Variants in LHFPL4 observed in about 807,000 individuals in gnomAD.
LHFPL4 encodes the protein LHFPL tetraspan subfamily member 4, also known as LHFPL tetraspan subfamily member 4 protein.
Under a neutral mutation model 20.0 loss-of-function variants are expected in LHFPL4, and 6 were observed. That is an observed-to-expected ratio of 0.30 (90% confidence interval 0.16 to 0.59). LHFPL4 has a LOEUF of 0.59. Ranked by LOEUF, LHFPL4 falls within the 20% of genes least tolerant of loss-of-function variation. The pLI is 0.88. For synonymous variants in LHFPL4, 129 were observed against 143.8 expected, an observed-to-expected ratio of 0.90 and a Z score of 0.74; for missense variants, 215 against 331.2, an observed-to-expected ratio of 0.65 and a Z score of 2.72.
At chr3:9,504,109 G>T (rs1431851172) in intron 3 of LHFPL4, among the ~76,000 whole-genome samples, 44 of 152,094 alleles carry the variant, frequency 2.9e-4, no homozygotes, top group Non-Finnish European at 5.9e-5. Flanking sequence ...GCTGGCTCAT[G>T]CCTGTAATCC....
chr3:9,508,756 G>T (rs1460579047), intron 2 of LHFPL4, among the ~76,000 whole-genome samples: 1 of 152,156 alleles, frequency 6.6e-6, no homozygotes, highest in Admixed American at 6.5e-5. Context: ...AGGGTCAAAC[G>T]CCAAGGAAGG....
intron 2 of LHFPL4, among the ~76,000 whole-genome samples, chr3:9,517,128 T>C (rs2046308353): frequency 6.6e-6 from 1 of 152,106 alleles, no homozygotes; most frequent in Admixed American, 6.6e-5. Context: ...TGGTAAGTCT[T>C]GAAGTGGGGG....
intron 2 of LHFPL4, among the ~76,000 whole-genome samples, chr3:9,508,130 C>A (rs2046231455): frequency 6.6e-6 from 1 of 152,190 alleles, no homozygotes; most frequent in South Asian, 2.1e-4. Flanking sequence ...TGGGAAGGGG[C>A]CCTTGGCTGT....
intron 2 of LHFPL4, among the ~76,000 whole-genome samples, chr3:9,523,394 GAAAAAA>G (rs564094075): frequency 4.7e-5 from 3 of 64,410 alleles, no homozygotes; most frequent in Non-Finnish European, 1.2e-4. Context: ...AAAAGAAAAA[GAAAAAA>G]AAAAAGAAAA....
intron 2 of LHFPL4, among the ~76,000 whole-genome samples, chr3:9,546,717 C>G (rs2046516080): frequency 6.6e-6 from 1 of 152,174 alleles, no homozygotes; most frequent in Non-Finnish European, 1.5e-5. Context: ...CTTTGGTCAT[C>G]CCAGCAAGTC....
Position 9,499,987 on chromosome 3 carries a change from C to G in LHFPL4, c.*2224G>C, listed in dbSNP as rs962673269. 1 of 151,364 alleles carries G rather than the reference C, an allele frequency of 6.6e-6. No individual in the cohort carries two copies. The highest frequency in any genetic ancestry group is 1.5e-5 in the Non-Finnish European group (1 of 68,168). The allele number at this position is 151,364 out of a possible 1,614,324, so 9.4% of individuals were successfully genotyped here. A position where few individuals can be genotyped will look rare whatever the true frequency, so the allele number is the denominator to read the frequency against. On this transcript the variant is annotated 3_prime_UTR_variant, in exon 4 of 4. Transcript: ENST00000287585. ...TTTCCCCTCCCCCACCCCAAGCTCT[C>G]GGGCAGCCTCTCAGCTGGTCTCTCA...
chr3:9,534,702 A>G (rs1386680599), intron 2 of LHFPL4, among the ~76,000 whole-genome samples: 2 of 152,162 alleles, frequency 1.3e-5, no homozygotes, highest in African/African-American at 4.8e-5. Context: ...GTAAATGACT[A>G]TTACCAGAGA....
At chr3:9,545,792 C>G (rs1343343353) in intron 2 of LHFPL4, among the ~76,000 whole-genome samples, 1 of 152,010 alleles carries the variant, frequency 6.6e-6, no homozygotes, top group African/African-American at 2.4e-5. Context: ...GCCTGTAGTT[C>G]TAGCTACTGA....
chr3:9,516,537 G>T (rs544505065), intron 2 of LHFPL4, among the ~76,000 whole-genome samples: 2 of 151,442 alleles, frequency 1.3e-5, no homozygotes, highest in African/African-American at 2.4e-5. Flanking sequence ...ACAGTGGCAC[G>T]ATCTAGGCTC....
In LHFPL4 at chr3:9,499,012, C is replaced by T. The variant is rs2046151403; in HGVS notation, c.*3199G>A. 1 of 152,402 alleles carries T rather than the reference C, an allele frequency of 6.6e-6. No individual in the cohort carries two copies. The highest frequency in any genetic ancestry group is 2.4e-5 in the African/African-American group (1 of 41,434). 9.4% of individuals were successfully genotyped at this position (152,402 alleles called of 1,614,324 possible). ...CCCTAGGCTGTGGCTGCCGTGGCCT[C>T]TCCTGAGTCCCCAGATCAGGCAGAG... On this transcript the variant is annotated 3_prime_UTR_variant, in exon 4 of 4. Coordinates refer to ENST00000287585, the MANE Select transcript of LHFPL4 (RefSeq NM_198560.3).
chr3:9,513,585 G>A (rs2046276594), intron 2 of LHFPL4, among the ~76,000 whole-genome samples: 1 of 152,092 alleles, frequency 6.6e-6, no homozygotes, highest in African/African-American at 2.4e-5. Context: ...CTCCCACCTT[G>A]GCCTCCCAAA....
intron 2 of LHFPL4, among the ~76,000 whole-genome samples, chr3:9,543,524 AG>A (rs962658238): frequency 6.6e-6 from 1 of 151,748 alleles, no homozygotes; most frequent in African/African-American, 2.4e-5. Context: ...AGAAAAAAAA[AG>A]TGGGTCCTCT....
chr3:9,551,373 C>A (rs1386212007), intron 2 of LHFPL4, among the ~76,000 whole-genome samples: 2 of 151,978 alleles, frequency 1.3e-5, no homozygotes, highest in African/African-American at 4.8e-5. Flanking sequence ...TTCCCCAGTC[C>A]AACTCTCTTC....
chr3:9,499,446 C>T lies in LHFPL4; in HGVS notation c.*2765G>A, dbSNP rs573237509. 6.5e-6 allele frequency: 1 copy of T among 152,862 alleles called. No individual in the cohort carries two copies. Among genetic ancestry groups the T allele is most frequent in the Admixed American group, 6.5e-5 (1 of 15,302 alleles). 9.5% of individuals were successfully genotyped at this position (152,862 alleles called of 1,614,324 possible). On this transcript the variant is annotated 3_prime_UTR_variant, in exon 4 of 4. Transcript: ENST00000287585. ...CAGACTTCAGCCCACACAACTCTGC[C>T]TTCCTGACTCCAAACTCCCTGGTGC...
chr3:9,551,001 T>C (rs984693554), intron 2 of LHFPL4: 17 of 152,230 alleles, frequency 1.1e-4, no homozygotes, highest in African/African-American at 4.1e-4. Flanking sequence ...TGATGACCCA[T>C]CGTATTCTCT....
chr3:9,517,856 A>G lies in LHFPL4; in HGVS notation c.407-11653T>C, dbSNP rs370191522. On this transcript the variant is annotated intron_variant, in intron 2 of 3. Coordinates refer to ENST00000287585, the MANE Select transcript of LHFPL4 (RefSeq NM_198560.3). ...TCTGGGATTTTCTACATAGATGATC[A>G]TATCATCTACAAACAAAGATAGTTT... Among the ~76,000 whole-genome samples, 111 of 142,048 alleles carry G rather than the reference A, an allele frequency of 7.8e-4. 1 individual carries two copies. In the South Asian group the frequency reaches 8.5e-3, roughly 11 times the overall value. The allele number at this position is 142,048 out of a possible 152,430, so 93.2% of individuals were successfully genotyped here. A position where few individuals can be genotyped will look rare whatever the true frequency, so the allele number is the denominator to read the frequency against.
At chr3:9,530,923 G>A (rs6443239) in intron 2 of LHFPL4, among the ~76,000 whole-genome samples, 51,112 of 151,976 alleles carry the variant, frequency 0.34, 8,966 homozygotes, top group Non-Finnish European at 0.37. Flanking sequence ...TTGATTTAAC[G>A]TGAGAGATGT....
chr3:9,549,793 C>T (rs975586890), intron 2 of LHFPL4, among the ~76,000 whole-genome samples: 2 of 152,210 alleles, frequency 1.3e-5, no homozygotes, highest in Non-Finnish European at 2.9e-5. Flanking sequence ...TCCACAGTTC[C>T]TCTGAGGATG....
intron 2 of LHFPL4, among the ~76,000 whole-genome samples, chr3:9,545,496 T>C (rs1452453314): frequency 6.6e-6 from 1 of 152,146 alleles, no homozygotes; most frequent in African/African-American, 2.4e-5. Context: ...GGAAACATAG[T>C]GAGACCCTGT....
Sources: gnomAD v4.1 joint callset for allele counts (sites outside exome capture counted in the v4.1 genomes callset) on GRCh38, gnomAD v4.1.1 for gene constraint, MANE v1.5 for transcripts, NCBI Gene and HGNC (gene_info 2026-07-23, HGNC 2026-07-21) for gene names.